The following FBXO47 variants were observed in gnomAD, a reference collection of about 807,000 sequenced individuals.
FBXO47 encodes F-box only protein 47.
Under a neutral mutation model 53.9 loss-of-function variants are expected in FBXO47, and 34 were observed. The observed-to-expected ratio is 0.63, with a 90% CI of 0.48 to 0.84. The LOEUF (loss-of-function observed/expected upper bound fraction) is 0.84. Ranked by LOEUF, FBXO47 falls within the 40% of genes least tolerant of loss-of-function variation. FBXO47 has a pLI of 0.00. For missense variants in FBXO47, 485 were observed against 541.3 expected, an observed-to-expected ratio of 0.90 and a Z score of 1.03; for synonymous variants, 165 against 181.6, an observed-to-expected ratio of 0.91 and a Z score of 0.73.
intron 7 of FBXO47, among the ~76,000 whole-genome samples, chr17:38,944,122 C>T (rs1904629112): frequency 2.0e-5 from 3 of 151,432 alleles, no homozygotes; most frequent in South Asian, 4.2e-4. Context: ...GCGGAGGTTG[C>T]AGTGAGTGGA....
chr17:38,940,853 T>C (rs139844142), intron 9 of FBXO47, among the ~76,000 whole-genome samples: 47 of 151,948 alleles, frequency 3.1e-4, no homozygotes, highest in Middle Eastern at 3.4e-3. Flanking sequence ...TTTTATTTTA[T>C]GTTTTGTAGA....
chr17:38,938,014 TAAGTC>T (rs1174241435), intron 10 of FBXO47, among the ~76,000 whole-genome samples: 1 of 152,204 alleles, frequency 6.6e-6, no homozygotes, highest in Non-Finnish European at 1.5e-5. Context: ...GTGACTTTAC[TAAGTC>T]AAGTTAACTA....
intron 10 of FBXO47, among the ~76,000 whole-genome samples, chr17:38,937,618 T>C (rs1191769402): frequency 6.6e-6 from 1 of 151,972 alleles, no homozygotes; most frequent in Admixed American, 6.6e-5. Context: ...TATACGTATA[T>C]AATTTATTTG....
At chr17:38,944,191 ATG>A (rs71141737) in intron 7 of FBXO47, among the ~76,000 whole-genome samples, 1,430 of 133,634 alleles carry the variant, frequency 0.011, 15 homozygotes, top group South Asian at 0.023. Context: ...CAAAAAAAAC[ATG>A]TGTGTGTGTG....
intron 1 of FBXO47, among the ~76,000 whole-genome samples, chr17:38,963,800 TTG>T (rs1567723815): frequency 3.2e-4 from 41 of 127,624 alleles, no homozygotes; most frequent in Middle Eastern, 4.2e-3. Flanking sequence ...TGTTGTTTTG[TTG>T]TTTTTTTTTT....
intron 7 of FBXO47, 21 bp from the exon 8 acceptor site, chr17:38,943,757 G>T (rs1389891110): frequency 6.3e-7 from 1 of 1,586,944 alleles, no homozygotes; most frequent in East Asian, 2.3e-5. Context: ...ACAAAAACGA[G>T]GCTATGACAG....
At chr17:38,940,486 C>T (rs72821519) in intron 9 of FBXO47, among the ~76,000 whole-genome samples, 5,269 of 151,890 alleles carry the variant, frequency 0.035, 150 homozygotes, top group Middle Eastern at 0.082. Context: ...GCCCACAAAA[C>T]CCTTCCTTAC....
intron 9 of FBXO47, among the ~76,000 whole-genome samples, chr17:38,942,465 A>G (rs559485225): frequency 6.6e-6 from 1 of 152,080 alleles, no homozygotes; most frequent in Non-Finnish European, 1.5e-5. Context: ...ATAGTGGTGC[A>G]TGCCTTTAGT....
rs956333080 is a variant in FBXO47, at chr17:38,936,930, T to C, written c.*245A>G. 6 of 329,724 alleles carry C rather than the reference T, an allele frequency of 1.8e-5. No individual in the cohort carries two copies. The highest frequency in any genetic ancestry group is 8.2e-4 in the Middle Eastern group (1 of 1,214). The allele number at this position is 329,724 out of a possible 1,614,324, so 20.4% of individuals were successfully genotyped here. Reference sequence around the variant, plus strand: ...CATTCTATTTTGGTTTGGTGTTAGGTTGACTAAAACCCGGAGAGGCAGAGC... The same window carrying C: ...CATTCTATTTTGGTTTGGTGTTAGGCTGACTAAAACCCGGAGAGGCAGAGC... On this transcript the variant is annotated 3_prime_UTR_variant, in exon 11 of 11. Transcript: ENST00000378079.
intron 9 of FBXO47, among the ~76,000 whole-genome samples, chr17:38,941,256 G>A (rs1598135707): frequency 6.6e-6 from 1 of 151,334 alleles, no homozygotes; most frequent in African/African-American, 2.4e-5. Flanking sequence ...TGCAACCTCC[G>A]CCTGCCAGGC....
chr17:38,959,654 GTGTA>G (rs1273714652), intron 3 of FBXO47, among the ~76,000 whole-genome samples: 1 of 149,582 alleles, frequency 6.7e-6, no homozygotes, highest in African/African-American at 2.5e-5. Flanking sequence ...GTGTGTGTGT[GTGTA>G]TGAATATGAG....
intron 6 of FBXO47, among the ~76,000 whole-genome samples, chr17:38,950,206 C>A (rs988296224): frequency 1.3e-5 from 2 of 151,918 alleles, no homozygotes; most frequent in African/African-American, 4.8e-5. Flanking sequence ...CTGGTAACCT[C>A]AAATCTACTT....
chr17:38,963,186 GT>G (rs1038415751), intron 1 of FBXO47, 135 bp from the exon 2 acceptor site: 90 of 538,074 alleles, frequency 1.7e-4, no homozygotes, highest in South Asian at 3.1e-4. Context: ...AAGATTTTTG[GT>G]TTTTTTTTGA....
chr17:38,943,007 T>A, intron 8 of FBXO47, 87 bp from the exon 9 acceptor site: 2 of 1,150,036 alleles, frequency 1.7e-6, no homozygotes, highest in Non-Finnish European at 2.4e-6. Flanking sequence ...TATTTTATCT[T>A]TATTGGAAAT....
rs897686897 is a variant in FBXO47, at chr17:38,967,332, TCTC to T, written c.-133_-131del. 1 of 152,056 alleles carries T rather than the reference TCTC, an allele frequency of 6.6e-6. No homozygotes were observed. The highest frequency in any genetic ancestry group is 1.5e-5 in the Non-Finnish European group (1 of 68,034). The allele number at this position is 152,056 out of a possible 1,614,324, so 9.4% of individuals were successfully genotyped here. ...TTCTTAGTGTTTAGAAAAGAAAATA[TCTC>T]CTCAAGAGCTTCCCGCCAGGAGGCG... On this transcript the variant is annotated 5_prime_UTR_variant, in exon 1 of 11. Coordinates refer to ENST00000378079, the MANE Select transcript of FBXO47 (RefSeq NM_001008777.3).
At chr17:38,963,123 A>T in intron 1 of FBXO47, 72 bp from the exon 2 acceptor site, 19 of 963,242 alleles carry the variant, frequency 2.0e-5, no homozygotes, top group Admixed American at 2.4e-5. Context: ...TTTTTTTTTT[A>T]AACGAAGAGG....
intron 1 of FBXO47, among the ~76,000 whole-genome samples, chr17:38,963,839 C>G (rs1322609546): frequency 2.7e-5 from 4 of 146,118 alleles, no homozygotes; most frequent in Non-Finnish European, 4.5e-5. Context: ...CTCTGTTGCC[C>G]AGGCTGGAGT....
chr17:38,952,665 AAC>A (rs1363268049), intron 5 of FBXO47, among the ~76,000 whole-genome samples: 9 of 152,084 alleles, frequency 5.9e-5, no homozygotes, highest in African/African-American at 2.2e-4. Context: ...TAAAACCCTG[AAC>A]ACAGTTTAGA....
intron 9 of FBXO47, 141 bp from the exon 10 acceptor site, chr17:38,938,873 G>T: frequency 1.6e-6 from 1 of 614,298 alleles, no homozygotes; most frequent in African/African-American, 1.8e-5. Flanking sequence ...TCTATACATG[G>T]GAAATGCTCT....
Sources: allele counts gnomAD v4.1 joint callset (sites outside exome capture counted in the v4.1 genomes callset), GRCh38; gene constraint gnomAD v4.1.1; transcripts MANE v1.5; gene names NCBI Gene and HGNC (gene_info 2026-07-23, HGNC 2026-07-21).